NEDD4L: variants seen among roughly 807,000 people sequenced by gnomAD.
The protein encoded by NEDD4L is NEDD4 like E3 ubiquitin protein ligase, also known as E3 ubiquitin-protein ligase NEDD4-like.
A neutral mutation model predicts 148.9 loss-of-function variants in NEDD4L; 54 were observed. That is an observed-to-expected ratio of 0.36 (90% confidence interval 0.29 to 0.45). The LOEUF (loss-of-function observed/expected upper bound fraction) is 0.45. NEDD4L is among the 20% of genes least tolerant of loss of function. The pLI is 1.00. For synonymous variants in NEDD4L, 433 were observed against 440.7 expected (o/e 0.98, Z 0.22); for missense variants, 856 against 1,233.8 (o/e 0.69, Z 4.59).
intron 1 of NEDD4L, among the ~76,000 whole-genome samples, chr18:58,098,529 C>T (rs1810595139): frequency 6.6e-6 from 1 of 152,166 alleles, no homozygotes; most frequent in Non-Finnish European, 1.5e-5. Flanking sequence ...CTTGCTTGGC[C>T]ATCTTCCAGC....
intron 1 of NEDD4L, among the ~76,000 whole-genome samples, chr18:58,072,645 G>A (rs1238103457): frequency 6.6e-6 from 1 of 152,190 alleles, no homozygotes; most frequent in African/African-American, 2.4e-5. Context: ...GAAATTGCAT[G>A]CTTTCTCCTA....
intron 5 of NEDD4L, among the ~76,000 whole-genome samples, chr18:58,255,134 C>G (rs1306381190): frequency 6.6e-6 from 1 of 152,166 alleles, no homozygotes; most frequent in Non-Finnish European, 1.5e-5. Context: ...TAGACAGAGT[C>G]TCAGTGCTGT....
chr18:58,255,626 G>GC, intron 5 of NEDD4L: 1 of 1,232,344 alleles, frequency 8.1e-7, no homozygotes, highest in East Asian at 3.2e-5. Flanking sequence ...AGCCCTCCTG[G>GC]CCCCCCTGGT....
At chr18:58,116,756 C>A (rs1279613352) in intron 1 of NEDD4L, among the ~76,000 whole-genome samples, 2 of 152,250 alleles carry the variant, frequency 1.3e-5, no homozygotes, top group African/African-American at 4.8e-5. Context: ...ATTAGGCAGA[C>A]TTAACATCCC....
chr18:58,255,943 C>T (rs1231457592), intron 5 of NEDD4L: 5 of 1,231,132 alleles, frequency 4.1e-6, no homozygotes, highest in Non-Finnish European at 4.1e-6. Context: ...AGGCCACGGA[C>T]GGGGCCACGG....
At chr18:58,099,997 C>A (rs1342065536) in intron 1 of NEDD4L, among the ~76,000 whole-genome samples, 2 of 152,056 alleles carry the variant, frequency 1.3e-5, no homozygotes, top group Non-Finnish European at 2.9e-5. Context: ...CATCATAGAA[C>A]CAGAAAAGAA....
intron 5 of NEDD4L, among the ~76,000 whole-genome samples, chr18:58,266,410 C>T (rs2050223604): frequency 6.6e-6 from 1 of 151,990 alleles, no homozygotes; most frequent in Admixed American, 6.5e-5. Context: ...GAGGGAAACA[C>T]CAGATGTTTT....
intron 1 of NEDD4L, among the ~76,000 whole-genome samples, chr18:58,083,672 A>T (rs186178861): frequency 7.1e-6 from 1 of 141,232 alleles, no homozygotes; most frequent in East Asian, 2.1e-4. Context: ...TGGGCGACAG[A>T]GCGAGACTCC....
chr18:58,172,087 C>T lies in NEDD4L; in HGVS notation c.122+6226C>T, dbSNP rs78688567. The stretch of plus-strand genomic sequence containing the variant: ...AGAAGGTCATGGCTCTGCACCTGAC[C>T]CTCACCTTAGGGGTCAGGAGAGAGC... On this transcript the variant is annotated intron_variant, in intron 2 of 30. Coordinates refer to ENST00000400345, the MANE Select transcript of NEDD4L (RefSeq NM_001144967.3). 6.5e-3 allele frequency among the ~76,000 whole-genome samples: 992 copies of T among 152,192 alleles called. 14 individuals are homozygous for T. Among genetic ancestry groups the T allele is most frequent in the African/African-American group, 0.023 (935 of 41,526 alleles).
chr18:58,195,751 T>G (rs1282785242), intron 2 of NEDD4L: 1 of 1,328,414 alleles, frequency 7.5e-7, no homozygotes, highest in South Asian at 1.1e-5. Flanking sequence ...CCACCGAAGG[T>G]TCCGTTCCCT....
chr18:58,151,975 T>A (rs58705828), intron 1 of NEDD4L, among the ~76,000 whole-genome samples: 13,748 of 152,008 alleles, frequency 0.09, 965 homozygotes, highest in East Asian at 0.22. Context: ...CATCAAATAA[T>A]ATATCCCATA....
At chr18:58,301,626 C>G (rs1017142999) in intron 5 of NEDD4L, among the ~76,000 whole-genome samples, 4 of 152,206 alleles carry the variant, frequency 2.6e-5, no homozygotes, top group African/African-American at 9.7e-5. Flanking sequence ...AGGGAGCTTA[C>G]TCAGGGTCAG....
At chr18:58,169,833 C>G (rs965804453) in intron 2 of NEDD4L, among the ~76,000 whole-genome samples, 14 of 152,312 alleles carry the variant, frequency 9.2e-5, no homozygotes, top group African/African-American at 3.1e-4. Context: ...GGCTGCTGCT[C>G]TGTCCCCCAG....
chr18:58,045,160 TTCTC>T (rs992735680), intron 1 of NEDD4L: 4 of 398,854 alleles, frequency 1.0e-5, no homozygotes, highest in African/African-American at 6.2e-5. Flanking sequence ...CCCTGGAACT[TTCTC>T]TCTCATGATT....
At chr18:58,300,147 C>G (rs954142216) in intron 5 of NEDD4L, among the ~76,000 whole-genome samples, 11 of 152,156 alleles carry the variant, frequency 7.2e-5, no homozygotes, top group African/African-American at 2.7e-4. Flanking sequence ...TTACTATGCT[C>G]TTTTGTAACA....
intron 2 of NEDD4L, among the ~76,000 whole-genome samples, chr18:58,174,430 G>T (rs773843960): frequency 7.8e-4 from 119 of 152,242 alleles, no homozygotes; most frequent in Non-Finnish European, 1.5e-3. Flanking sequence ...TTTTTGGCTC[G>T]AAGGTGGGGT....
intron 1 of NEDD4L, among the ~76,000 whole-genome samples, chr18:58,136,983 G>A (rs1348801860): frequency 6.6e-6 from 1 of 152,204 alleles, no homozygotes; most frequent in Non-Finnish European, 1.5e-5. Context: ...AATTTCTCCT[G>A]TAGACATTAT....
At chr18:58,306,695 A>G (rs1217442099) in intron 5 of NEDD4L, among the ~76,000 whole-genome samples, 5 of 151,624 alleles carry the variant, frequency 3.3e-5, no homozygotes, top group Admixed American at 3.3e-4. Flanking sequence ...GTGCAATCTC[A>G]GCTCACTGTA....
At chr18:58,385,963 C>T (rs144799103) in intron 26 of NEDD4L, among the ~76,000 whole-genome samples, 95 of 152,150 alleles carry the variant, frequency 6.2e-4, no homozygotes, top group African/African-American at 2.2e-3. Context: ...CCCGAGGGCT[C>T]AGAGCTGAAT....
Sources: gnomAD v4.1 joint callset for allele counts (sites outside exome capture counted in the v4.1 genomes callset) on GRCh38, gnomAD v4.1.1 for gene constraint, MANE v1.5 for transcripts, NCBI Gene and HGNC (gene_info 2026-07-23, HGNC 2026-07-21) for gene names.